NBEAL1: variants seen among roughly 807,000 people sequenced by gnomAD.
NBEAL1 encodes the protein neurobeachin-like protein 1.
NBEAL1 carries 273 observed loss-of-function variants against 351.3 expected under a neutral mutation model. The observed-to-expected ratio is 0.78, with a 90% CI of 0.70 to 0.86. The LOEUF is 0.86. Among genes scored for constraint, NBEAL1 ranks in the 40% least tolerant of loss-of-function variants. The pLI is 0.00. For synonymous variants in NBEAL1, 1,050 were observed against 1,086.4 expected, an observed-to-expected ratio of 0.97 and a Z score of 0.66; for missense variants, 2,961 against 3,201.3, an observed-to-expected ratio of 0.92 and a Z score of 1.81.
intron 44 of NBEAL1, 37 bp from the exon 45 acceptor site, chr2:203,188,435 A>T: frequency 1.2e-3 from 717 of 614,360 alleles, no homozygotes; most frequent in Non-Finnish European, 1.8e-3. Flanking sequence ...GTTGGAAGAT[A>T]TCTCTATATT....
intron 10 of NBEAL1, among the ~76,000 whole-genome samples, chr2:203,087,567 G>T (rs946423383): frequency 6.6e-6 from 1 of 152,162 alleles, no homozygotes; most frequent in African/African-American, 2.4e-5. Flanking sequence ...CTCAAGGCCT[G>T]CCTATTAAGC....
At chr2:203,160,377 G>A (rs981125333) in intron 36 of NBEAL1, among the ~76,000 whole-genome samples, 36 of 152,024 alleles carry the variant, frequency 2.4e-4, no homozygotes, top group East Asian at 1.9e-4. Context: ...CACCACGCCC[G>A]GCCTGGTTCT....
intron 4 of NBEAL1, among the ~76,000 whole-genome samples, chr2:203,052,038 C>T: frequency 6.6e-6 from 1 of 152,210 alleles, no homozygotes; most frequent in Middle Eastern, 3.4e-3. Context: ...TAACTAAGGT[C>T]CATGTGCACA....
At chr2:203,016,841 A>C (rs1490828018) in intron 2 of NBEAL1, among the ~76,000 whole-genome samples, 1 of 152,210 alleles carries the variant, frequency 6.6e-6, no homozygotes, top group African/African-American at 2.4e-5. Context: ...AAATTGCATC[A>C]CAAGGTTATT....
At chr2:203,156,018 C>CT (rs753608337) in intron 35 of NBEAL1, among the ~76,000 whole-genome samples, 1 of 152,164 alleles carries the variant, frequency 6.6e-6, no homozygotes, top group Non-Finnish European at 1.5e-5. Context: ...GTTGGGATAT[C>CT]TCTTACACAG....
intron 2 of NBEAL1, chr2:203,040,457 G>C (rs564533360): frequency 1.8e-4 from 130 of 705,416 alleles, no homozygotes; most frequent in Non-Finnish European, 2.9e-5. Flanking sequence ...AAAATGTTTA[G>C]TGGTGTCTTT....
At chr2:203,120,883 AC>A (rs1483602828) in intron 18 of NBEAL1, among the ~76,000 whole-genome samples, 1 of 152,244 alleles carries the variant, frequency 6.6e-6, no homozygotes, top group African/African-American at 2.4e-5. Context: ...GAGACGGATA[AC>A]GTTTAAGTAT....
intron 14 of NBEAL1, among the ~76,000 whole-genome samples, chr2:203,109,804 G>C (rs1383075016): frequency 6.6e-6 from 1 of 152,202 alleles, no homozygotes; most frequent in African/African-American, 2.4e-5. Context: ...ACAGGCATGA[G>C]CCACCGCGCC....
intron 17 of NBEAL1, among the ~76,000 whole-genome samples, chr2:203,115,283 G>A (rs906747600): frequency 6.6e-6 from 1 of 151,778 alleles, no homozygotes. Context: ...ACCACGCCCA[G>A]CTAATTTTTT....
intron 51 of NBEAL1, among the ~76,000 whole-genome samples, chr2:203,202,995 C>T (rs963610012): frequency 6.6e-6 from 1 of 152,150 alleles, no homozygotes; most frequent in Admixed American, 6.5e-5. Context: ...TCCAAAGATT[C>T]TTCCTTCTTA....
chr2:203,033,006 A>T (rs116566281), intron 2 of NBEAL1, among the ~76,000 whole-genome samples: 3,556 of 149,098 alleles, frequency 0.024, 145 homozygotes, highest in African/African-American at 0.083. Context: ...TTTTTAATTT[A>T]ATTTTATTTT....
Position 203,130,355 on chromosome 2 carries a change from G to T in NBEAL1, c.3443G>T (p.Arg1148Leu), listed in dbSNP as rs189753012. The T allele has an allele frequency of 3.3e-6, 5 of 1,534,550 alleles. No individual in the cohort carries two copies. In the African/African-American group the frequency reaches 5.6e-5, roughly 17 times the overall value. ...TTGGACGTGCTCTTCAGTCTCCTAC[G>T]TACCAGCCCAACCAGAGGTCAGCTT... ...GILDVLFSLL[R>L]TSPTRGQLFL... is the part of the protein sequence containing the mutation. Residue 1148 changes from arginine to leucine, a missense_variant, in exon 25 of 56, where the codon CGT becomes CTT. Physicochemically the swap from Arg to Leu is moderately radical, Grantham distance 102. Coordinates refer to ENST00000683969, the MANE Select transcript of NBEAL1 (RefSeq NM_001378026.1).
intron 47 of NBEAL1, among the ~76,000 whole-genome samples, chr2:203,196,381 G>A (rs561235650): frequency 1.3e-5 from 2 of 152,086 alleles, no homozygotes; most frequent in African/African-American, 2.4e-5. Context: ...CCTCGTAAGA[G>A]GTATTTCCCC....
At chr2:203,056,396 T>C (rs2061402155) in intron 4 of NBEAL1, 31 bp from the exon 5 acceptor site, 1 of 1,200,160 alleles carries the variant, frequency 8.3e-7, no homozygotes. Flanking sequence ...ACCATTCTTA[T>C]GTAAAAAATT....
intron 47 of NBEAL1, among the ~76,000 whole-genome samples, chr2:203,195,497 C>CT (rs1217038457): frequency 6.6e-6 from 1 of 152,204 alleles, no homozygotes; most frequent in African/African-American, 2.4e-5. Flanking sequence ...GAAATTATGA[C>CT]TAATTCCCAG....
Position 203,224,103 on chromosome 2 carries a change from A to G in NBEAL1, c.*6749A>G, listed in dbSNP as rs1217762001. ...TAGCAATTTAATGATAATAATTTCT[A>G]TTTTTCTTCCAAAACTATGGCATGT... On this transcript the variant is annotated 3_prime_UTR_variant, in exon 56 of 56. Transcript: ENST00000683969. Among the ~76,000 whole-genome samples, 2 of 152,088 alleles carry G rather than the reference A, an allele frequency of 1.3e-5. No homozygotes were observed. Among genetic ancestry groups the G allele is most frequent in the Middle Eastern group, 3.4e-3 (1 of 294 alleles).
In NBEAL1 at chr2:203,049,933, C is replaced by G. The variant is rs1368439283; in HGVS notation, c.263C>G (p.Ala88Gly). The G allele has an allele frequency of 2.6e-6, 4 of 1,554,756 alleles. No homozygotes were observed. Among genetic ancestry groups the G allele is most frequent in the Admixed American group, 3.9e-5 (2 of 50,962 alleles). ...MADGLEEQQQALSILLVKFFI... is the reference protein window; with the variant it reads ...MADGLEEQQQGLSILLVKFFI... ...GATGGGTTAGAGGAACAACAGCAAG[C>G]CTTGTCAATTTTGCTTGTCAAGTTC... The change falls in exon 4 of 56, where the codon GCC (alanine) becomes GGC (glycine). Residue 88 changes from alanine (A) to glycine (G), a missense_variant. Coordinates refer to ENST00000683969, the MANE Select transcript of NBEAL1 (RefSeq NM_001378026.1).
chr2:203,140,725 A>G (rs935310250), intron 31 of NBEAL1, among the ~76,000 whole-genome samples: 1 of 152,248 alleles, frequency 6.6e-6, no homozygotes, highest in Non-Finnish European at 1.5e-5. Context: ...TCTGAAACTA[A>G]TTCTAAAGTA....
At chr2:203,121,063 C>T (rs140220939) in intron 18 of NBEAL1, among the ~76,000 whole-genome samples, 1 of 152,206 alleles carries the variant, frequency 6.6e-6, no homozygotes, top group East Asian at 1.9e-4. Context: ...CATGCCTTTA[C>T]GAATGGAGGT....
Sources: allele counts gnomAD v4.1 joint callset (sites outside exome capture counted in the v4.1 genomes callset), GRCh38; gene constraint gnomAD v4.1.1; transcripts MANE v1.5; gene names NCBI Gene and HGNC (gene_info 2026-07-23, HGNC 2026-07-21).